STAG2: variants seen among roughly 807,000 people sequenced by gnomAD.
The protein encoded by STAG2 is STAG2 cohesin complex component.
A neutral mutation model predicts 108.1 loss-of-function variants in STAG2; 14 were observed. That is an observed-to-expected ratio of 0.13 (90% CI 0.09 to 0.20). The LOEUF is 0.20. STAG2 is among the 10% of genes least tolerant of loss of function. The pLI, the probability that STAG2 is intolerant of heterozygous loss-of-function variation, is 1.00. For synonymous variants in STAG2, 307 were observed against 302.7 expected (o/e 1.01, Z -0.15); for missense variants, 440 against 940.9 (o/e 0.47, Z 6.96).
In STAG2 at chrX:124,049,258, T is replaced by G. The variant is rs149498244; in HGVS notation, c.893+180T>G. Among the ~76,000 whole-genome samples, 401 of 111,736 alleles carry G rather than the reference T, an allele frequency of 3.6e-3. 1 individual carries two copies. Among genetic ancestry groups the G allele is most frequent in the African/African-American group, 0.012 (372 of 30,768 alleles). On this transcript the variant is annotated intron_variant, in intron 10 of 34. Transcript: ENST00000371145. ...AGTTATTTAACTCATGTGAGTTTGG[T>G]GTTTCCCATCTGAAAAATGGGATAA...
rs1242075284 is a variant in STAG2 at position 124,091,463 on chromosome X, C to T, written c.3578+499C>T. 3.6e-5 allele frequency among the ~76,000 whole-genome samples: 4 copies of T among 112,398 alleles called. No homozygotes were observed. The East Asian group carries it at 1.1e-3, about 31-fold the overall frequency. On this transcript the variant is annotated intron_variant, in intron 32 of 34. Coordinates refer to ENST00000371145, the MANE Select transcript of STAG2 (RefSeq NM_001042750.2). Reference sequence around the variant, plus strand: ...ACTCTTACTTAAAACCTTTCTGTGGCTCCCCATTGCCTGCTGGATAAACTC... The same window carrying T: ...ACTCTTACTTAAAACCTTTCTGTGGTTCCCCATTGCCTGCTGGATAAACTC...
intron 1 of STAG2, among the ~76,000 whole-genome samples, chrX:123,980,841 A>C (rs1276115915): frequency 8.9e-6 from 1 of 112,423 alleles, no homozygotes; most frequent in Non-Finnish European, 1.9e-5. Context: ...TGTCCTCTTC[A>C]AAATAGCTCT....
At chrX:123,964,107 A>T in intron 1 of STAG2, among the ~76,000 whole-genome samples, 1 of 111,636 alleles carries the variant, frequency 9.0e-6, no homozygotes, top group East Asian at 2.8e-4. Flanking sequence ...CCATAGTTTA[A>T]GATAAACTTT....
intron 32 of STAG2, among the ~76,000 whole-genome samples, chrX:124,092,843 G>A (rs1249147718): frequency 2.7e-5 from 3 of 111,376 alleles, no homozygotes; most frequent in African/African-American, 3.3e-5. Context: ...TTCCCTTCAC[G>A]GTTGCCTCTA....
intron 5 of STAG2, among the ~76,000 whole-genome samples, chrX:124,036,015 A>G (rs978331753): frequency 1.8e-5 from 2 of 112,424 alleles, no homozygotes; most frequent in Admixed American, 1.9e-4. Context: ...TTTATTGCCT[A>G]TATCATATTT....
chrX:123,982,825 T>C (rs1347796051), intron 1 of STAG2, among the ~76,000 whole-genome samples: 1 of 106,298 alleles, frequency 9.4e-6, no homozygotes, highest in African/African-American at 3.4e-5. Context: ...TACATTTGTC[T>C]GTTTCTATAT....
intron 5 of STAG2, among the ~76,000 whole-genome samples, chrX:124,036,382 T>TTTTG (rs998683093): frequency 9.8e-5 from 11 of 111,835 alleles, no homozygotes; most frequent in Admixed American, 5.7e-4. Context: ...TTGTTGTTGT[T>TTTTG]TTTGTTTGTT....
chrX:124,077,918 T>G (rs2058841256), intron 26 of STAG2, 39 bp from the exon 27 acceptor site: 2 of 939,803 alleles, frequency 2.1e-6, no homozygotes, highest in Non-Finnish European at 2.9e-6. Context: ...CAAGTAGTTT[T>G]AAGAGATAAA....
chrX:124,081,596 C>T, intron 28 of STAG2, 68 bp downstream of exon 28: 2 of 868,547 alleles, frequency 2.3e-6, no homozygotes, highest in Non-Finnish European at 3.1e-6. Flanking sequence ...TAAATCTAGC[C>T]CTTTCATTTG....
intron 7 of STAG2, 70 bp from the exon 8 acceptor site, chrX:124,045,094 A>G (rs1477485381): frequency 1.1e-6 from 1 of 918,966 alleles, no homozygotes; most frequent in African/African-American, 1.9e-5. Flanking sequence ...TGTCTAGGGT[A>G]TTTCAAAAGC....
intron 28 of STAG2, among the ~76,000 whole-genome samples, chrX:124,082,029 G>A (rs1231895162): frequency 2.7e-5 from 3 of 112,033 alleles, no homozygotes; most frequent in South Asian, 3.7e-4. Context: ...TTAAAACTCC[G>A]TTTATAAGCC....
At chrX:124,050,141 G>T (rs766341571) in intron 10 of STAG2, 45 bp from the exon 11 acceptor site, 1 of 1,184,677 alleles carries the variant, frequency 8.4e-7, no homozygotes. Flanking sequence ...AAGTTTTGTG[G>T]TATATTGGCA....
chrX:124,073,062 T>G (rs2058713536), intron 25 of STAG2, among the ~76,000 whole-genome samples: 1 of 109,386 alleles, frequency 9.1e-6, no homozygotes, highest in Admixed American at 9.9e-5. Context: ...CAATTTTTGA[T>G]AAGTAATGGA....
chrX:124,030,945 C>T lies in STAG2; in HGVS notation c.124-16C>T, dbSNP rs754316305. On this transcript the variant is annotated splice_polypyrimidine_tract_variant and intron_variant, in intron 4 of 34. Transcript: ENST00000371145. ...GGATAGTGATATAACTTAACCACCT[C>T]GTATTTTTTATGCAGACTTGTAAAA... 2.4e-5 allele frequency: 28 copies of T among 1,180,028 alleles called. No individual in the cohort carries two copies. The highest frequency in any genetic ancestry group is 2.4e-4 in the Middle Eastern group (1 of 4,227).
chrX:124,012,228 A>G (rs1426089692), intron 1 of STAG2, among the ~76,000 whole-genome samples: 1 of 112,313 alleles, frequency 8.9e-6, no homozygotes, highest in Non-Finnish European at 1.9e-5. Context: ...TTTCGCATCA[A>G]TATTCATCAG....
intron 6 of STAG2, among the ~76,000 whole-genome samples, chrX:124,039,316 C>T: frequency 9.1e-6 from 1 of 109,341 alleles, no homozygotes; most frequent in Non-Finnish European, 1.9e-5. Flanking sequence ...ACAACACGCC[C>T]AGCTAATTTT....
chrX:124,019,030 C>T (rs1468916849), intron 1 of STAG2, among the ~76,000 whole-genome samples: 5 of 104,222 alleles, frequency 4.8e-5, no homozygotes, highest in Non-Finnish European at 7.8e-5. Context: ...AGCAAACACT[C>T]GGATACATGG....
At chrX:124,058,337 A>G (rs1451353478) in intron 15 of STAG2, among the ~76,000 whole-genome samples, 1 of 109,582 alleles carries the variant, frequency 9.1e-6, no homozygotes. Context: ...TTTAGTACAG[A>G]CGGGGTTTCA....
At chrX:124,009,330 T>C (rs1294088000) in intron 1 of STAG2, among the ~76,000 whole-genome samples, 2 of 109,286 alleles carry the variant, frequency 1.8e-5, no homozygotes, top group African/African-American at 6.7e-5. Flanking sequence ...TATATGAAAT[T>C]TGCTTGGTTA....
Sources: gnomAD v4.1 joint callset for allele counts (sites outside exome capture counted in the v4.1 genomes callset) on GRCh38, gnomAD v4.1.1 for gene constraint, MANE v1.5 for transcripts, NCBI Gene and HGNC (gene_info 2026-07-23, HGNC 2026-07-21) for gene names.